Variants in RAB17 observed in about 807,000 individuals in gnomAD.
The protein encoded by RAB17 is ras-related protein Rab-17.
RAB17 carries 15 observed loss-of-function variants against 19.3 expected under a neutral mutation model. That is an observed-to-expected ratio of 0.78 (90% CI 0.52 to 1.20). RAB17 has a LOEUF of 1.20. Among genes scored for constraint, RAB17 ranks in the 50% most tolerant of loss-of-function variants. The probability of loss-of-function intolerance (pLI) is 0.00; values close to 1 mark genes in which losing one functional copy is unlikely to be tolerated. For missense variants in RAB17, 262 were observed against 269.3 expected (o/e 0.97, Z 0.19); for synonymous variants, 110 against 112.8 (o/e 0.97, Z 0.16).
At chr2:237,581,507 G>A (rs938526346) in intron 2 of RAB17, among the ~76,000 whole-genome samples, 8 of 151,924 alleles carry the variant, frequency 5.3e-5, no homozygotes, top group Non-Finnish European at 1.0e-4. Flanking sequence ...TGCCCGCCTC[G>A]GCCTCCCAAA....
intron 1 of RAB17, among the ~76,000 whole-genome samples, chr2:237,588,094 A>G (rs78290402): frequency 0.26 from 39,906 of 152,030 alleles, 6,925 homozygotes; most frequent in African/African-American, 0.5. Context: ...TATGGTTTGC[A>G]TGGATCTTCC....
intron 4 of RAB17, among the ~76,000 whole-genome samples, chr2:237,576,295 A>G (rs1319661240): frequency 6.6e-6 from 1 of 152,032 alleles, no homozygotes; most frequent in East Asian, 1.9e-4. Flanking sequence ...CCCCAGACAG[A>G]CGCTCCAAAC....
rs147504247 is a variant in RAB17 at position 237,574,640 on chromosome 2, GCCC to G, written c.*376_*378del. The G allele has an allele frequency of 0.13, 187,683 of 1,491,382 alleles. 12,688 individuals carry two copies. The highest frequency in any genetic ancestry group is 0.21 in the East Asian group (8,097 of 39,186). 92.4% of individuals were successfully genotyped at this position (1,491,382 alleles called of 1,614,324 possible). ...AGGTGGGCCCAGGCTCCAGGCCAGT[GCCC>G]CCATCAAGATCAGACGTAAGGCATC... On this transcript the variant is annotated 3_prime_UTR_variant, in exon 6 of 6. Transcript: ENST00000264601.
At position 237,578,062 on chromosome 2, in the gene RAB17, C is replaced by A. The variant is rs1305275080; in HGVS notation, c.251G>T (p.Cys84Phe). ...GTTGGCACCCCTGAAGTAGAGGTGG[C>A]AGACGCTGTGGTACTTCTCCTGGCC... is the stretch of plus-strand genomic sequence containing the variant. ...TAGQEKYHSV[C>F]HLYFRGANAA... The change falls in exon 3 of 6, where the codon TGC (cysteine) becomes TTC (phenylalanine). Residue 84 changes from cysteine to phenylalanine, a missense_variant. Cys to Phe is a radical substitution (Grantham distance 205). Transcript: ENST00000264601. 1 of 1,613,758 alleles carries A rather than the reference C, an allele frequency of 6.2e-7. No individual in the cohort carries two copies.
intron 5 of RAB17, 122 bp downstream of exon 5, chr2:237,575,265 T>TG: frequency 2.9e-6 from 3 of 1,019,722 alleles, no homozygotes; most frequent in Non-Finnish European, 4.4e-6. Context: ...CTGCCCCTCC[T>TG]GGTCACCATC....
At position 237,574,419 on chromosome 2, in the gene RAB17, G is replaced by C. The variant is rs1188222036; in HGVS notation, c.*600C>G. On this transcript the variant is annotated 3_prime_UTR_variant, in exon 6 of 6. Transcript: ENST00000264601. ...TGTCTCAGAATCTTCCTGCTCATTGGACAGAAACTCAGCTTCACCACATTG... is the reference window on the plus strand; with the variant it reads ...TGTCTCAGAATCTTCCTGCTCATTGCACAGAAACTCAGCTTCACCACATTG... 6.5e-7 allele frequency: 1 copy of C among 1,547,304 alleles called. No individual in the cohort carries two copies. The highest frequency in any genetic ancestry group is 8.7e-7 in the Non-Finnish European group (1 of 1,144,986).
intron 1 of RAB17, among the ~76,000 whole-genome samples, chr2:237,587,299 G>A (rs575790479): frequency 6.6e-6 from 1 of 152,298 alleles, no homozygotes; most frequent in South Asian, 2.1e-4. Context: ...TATTATCTAG[G>A]AAGAGAAGCT....
Position 237,574,679 on chromosome 2 carries a change from C to G in RAB17, c.*340G>C. 2.1e-6 allele frequency: 3 copies of G among 1,447,522 alleles called. No individual in the cohort carries two copies. Among genetic ancestry groups the G allele is most frequent in the Non-Finnish European group, 2.7e-6 (3 of 1,098,764 alleles). 89.7% of individuals were successfully genotyped at this position (1,447,522 alleles called of 1,614,324 possible). Reference sequence around the variant, plus strand: ...CAGACGTAAGGCATCTTCCCACCGTCGCTGTGCTGCGGGGACTTTTCCAAT... The same window carrying G: ...CAGACGTAAGGCATCTTCCCACCGTGGCTGTGCTGCGGGGACTTTTCCAAT... On this transcript the variant is annotated 3_prime_UTR_variant, in exon 6 of 6. Coordinates refer to ENST00000264601, the MANE Select transcript of RAB17 (RefSeq NM_022449.4).
chr2:237,589,187 T>A (rs766721513), intron 1 of RAB17, among the ~76,000 whole-genome samples: 1 of 146,254 alleles, frequency 6.8e-6, no homozygotes, highest in Non-Finnish European at 1.5e-5. Context: ...ACCATTGCAC[T>A]CCAGCCTGGG....
chr2:237,590,048 A>C (rs1366563534), intron 1 of RAB17, among the ~76,000 whole-genome samples: 1 of 152,176 alleles, frequency 6.6e-6, no homozygotes, highest in African/African-American at 2.4e-5. Context: ...TGTAAAAAGG[A>C]GTTTACAAGA....
chr2:237,577,182 T>A (rs972813008), intron 4 of RAB17, 75 bp downstream of exon 4: 4 of 1,537,224 alleles, frequency 2.6e-6, no homozygotes, highest in Non-Finnish European at 2.6e-6. Flanking sequence ...AAAGTGTGAG[T>A]GCCAAGGTCT....
intron 2 of RAB17, chr2:237,579,416 A>T (rs2081291683): frequency 6.6e-6 from 1 of 152,132 alleles, no homozygotes; most frequent in Admixed American, 6.5e-5. Flanking sequence ...TTCCTTCCGG[A>T]GACTGAAGGA....
rs149848086 is a variant in RAB17, at chr2:237,577,290, C to T, written c.402G>A (p.Thr134=). Residue 134 remains threonine (T), a synonymous_variant, in exon 4 of 6, where the codon ACG becomes ACA. Transcript: ENST00000264601. ...EVLVMLVGNK[T]DLSQEREVTF... ...TCACCTCCCGCTCCTGGCTGAGGTC[C>T]GTCTTGTTGCCCACCAGCATCACCA... 6.9e-5 allele frequency: 112 copies of T among 1,613,756 alleles called. No homozygotes were observed. Among genetic ancestry groups the T allele is most frequent in the Non-Finnish European group, 8.4e-5 (99 of 1,179,960 alleles).
chr2:237,589,307 C>G (rs2081374809), intron 1 of RAB17, among the ~76,000 whole-genome samples: 2 of 152,062 alleles, frequency 1.3e-5, no homozygotes, highest in Non-Finnish European at 2.9e-5. Flanking sequence ...AATACAACCA[C>G]AAATGGTATT....
At chr2:237,586,793 G>A (rs555124166) in intron 1 of RAB17, among the ~76,000 whole-genome samples, 10 of 152,168 alleles carry the variant, frequency 6.6e-5, no homozygotes, top group South Asian at 6.2e-4. Flanking sequence ...TAGAGAGAAC[G>A]GTCCGATGGG....
chr2:237,576,432 T>C (rs1466578144), intron 4 of RAB17, among the ~76,000 whole-genome samples: 3 of 151,912 alleles, frequency 2.0e-5, no homozygotes, highest in Non-Finnish European at 4.4e-5. Flanking sequence ...GGATCCTCTC[T>C]CCCCCACCCC....
intron 1 of RAB17, among the ~76,000 whole-genome samples, chr2:237,589,220 C>CAAAAA (rs371809449): frequency 7.1e-6 from 1 of 141,438 alleles, no homozygotes; most frequent in African/African-American, 2.9e-5. Flanking sequence ...AATCTGTCTC[C>CAAAAA]AAAAAAAAAG....
chr2:237,576,777 T>C (rs2081266422), intron 4 of RAB17: 1 of 467,698 alleles, frequency 2.1e-6, no homozygotes, highest in Admixed American at 2.4e-5. Context: ...TAAGGAGGAC[T>C]GACAAAACTC....
At chr2:237,584,116 C>G (rs1004570059) in intron 2 of RAB17, among the ~76,000 whole-genome samples, 4 of 152,054 alleles carry the variant, frequency 2.6e-5, no homozygotes, top group African/African-American at 9.7e-5. Context: ...GTCGGGGCCT[C>G]CATCCCCCTC....
Sources: allele counts gnomAD v4.1 joint callset (sites outside exome capture counted in the v4.1 genomes callset), GRCh38; gene constraint gnomAD v4.1.1; transcripts MANE v1.5; gene names NCBI Gene and HGNC (gene_info 2026-07-23, HGNC 2026-07-21).